Variants in NCAM2 observed in about 807,000 individuals in gnomAD.
NCAM2 encodes the protein neural cell adhesion molecule 2.
In NCAM2, 30 loss-of-function variants were observed where a neutral mutation model predicts 98.1. That is an observed-to-expected ratio of 0.31 (90% CI 0.23 to 0.41). The LOEUF is 0.41. Ranked by LOEUF, NCAM2 falls within the 10% of genes least tolerant of loss-of-function variation. The pLI is 1.00. For synonymous variants in NCAM2, 368 were observed against 342.4 expected, an observed-to-expected ratio of 1.07 and a Z score of -0.83; for missense variants, 867 against 1,005.8, an observed-to-expected ratio of 0.86 and a Z score of 1.87.
rs10686568 is a variant in NCAM2 at position 21,142,377 on chromosome 21, G to GTTTTTTTTTTTTTTTTTT, written c.56-138199_56-138182dup. Among the ~76,000 whole-genome samples, 4 of 107,190 alleles carry GTTTTTTTTTTTTTTTTTT rather than the reference G, an allele frequency of 3.7e-5. 1 individual carries two copies. Among genetic ancestry groups the GTTTTTTTTTTTTTTTTTT allele is most frequent in the Non-Finnish European group, 6.8e-5 (4 of 59,058 alleles). 70.3% of individuals were successfully genotyped at this position (107,190 alleles called of 152,430 possible). On this transcript the variant is annotated intron_variant, in intron 1 of 17. Coordinates refer to ENST00000400546, the MANE Select transcript of NCAM2 (RefSeq NM_004540.5). ...AAATTATTTGACCGTTTTTTTTTAT[G>GTTTTTTTTTTTTTTTTTT]TTTTTTTTTTTTTTTTTTTGAGATA... is the stretch of plus-strand genomic sequence containing the variant.
intron 12 of NCAM2, among the ~76,000 whole-genome samples, chr21:21,458,206 C>G (rs1027959808): frequency 6.6e-6 from 1 of 152,212 alleles, no homozygotes; most frequent in African/African-American, 2.4e-5. Flanking sequence ...TGTGGCCCCA[C>G]TGGGGCCTGG....
At chr21:21,026,609 G>C (rs966259694) in intron 1 of NCAM2, among the ~76,000 whole-genome samples, 9 of 148,706 alleles carry the variant, frequency 6.1e-5, no homozygotes. Flanking sequence ...TGGGCAATAC[G>C]AGTGAAACTC....
At chr21:21,233,765 CA>C (rs1417672456) in intron 1 of NCAM2, among the ~76,000 whole-genome samples, 5 of 151,572 alleles carry the variant, frequency 3.3e-5, no homozygotes, top group Non-Finnish European at 3.0e-5. Flanking sequence ...CGTGTTTCCC[CA>C]CGAAAGTAGT....
intron 1 of NCAM2, among the ~76,000 whole-genome samples, chr21:21,146,595 A>ATG (rs2067282257): frequency 1.4e-5 from 2 of 147,790 alleles, no homozygotes; most frequent in South Asian, 2.1e-4. Context: ...AAATACGTGT[A>ATG]TGTGTGTGTG....
intron 15 of NCAM2, among the ~76,000 whole-genome samples, chr21:21,477,807 C>T (rs1268056810): frequency 6.6e-6 from 1 of 152,126 alleles, no homozygotes; most frequent in Admixed American, 6.5e-5. Context: ...ATTTCTCTGC[C>T]AATCATGTGG....
At chr21:21,004,303 C>T (rs148649946) in intron 1 of NCAM2, among the ~76,000 whole-genome samples, 42 of 152,188 alleles carry the variant, frequency 2.8e-4, no homozygotes, top group East Asian at 1.2e-3. Context: ...ACCACTTGTG[C>T]GAAGTGCTTT....
Position 21,542,079 on chromosome 21 carries a change from A to C in NCAM2, c.*4122A>C, listed in dbSNP as rs1990253805. The C allele has an allele frequency of 6.6e-6, 1 of 151,936 alleles. No homozygotes were observed. The highest frequency in any genetic ancestry group is 1.5e-5 in the Non-Finnish European group (1 of 67,846). 9.4% of individuals were successfully genotyped at this position (151,936 alleles called of 1,614,324 possible). On this transcript the variant is annotated 3_prime_UTR_variant, in exon 18 of 18. Coordinates refer to ENST00000400546, the MANE Select transcript of NCAM2 (RefSeq NM_004540.5). ...AATGAAATACTTCATCTTAGAAGGT[A>C]AAATTTTCAAGAAAGTATTTTATTC...
At chr21:21,312,696 T>G (rs999763800) in intron 5 of NCAM2, among the ~76,000 whole-genome samples, 1 of 151,808 alleles carries the variant, frequency 6.6e-6, no homozygotes, top group African/African-American at 2.4e-5. Flanking sequence ...GTACCATATA[T>G]GACATGTTAA....
chr21:21,090,561 C>T (rs2065992100), intron 1 of NCAM2, among the ~76,000 whole-genome samples: 1 of 152,140 alleles, frequency 6.6e-6, no homozygotes. Flanking sequence ...AGCTATAATG[C>T]TGCCTGCCTT....
At chr21:21,099,902 AT>A (rs1218880216) in intron 1 of NCAM2, among the ~76,000 whole-genome samples, 3 of 151,746 alleles carry the variant, frequency 2.0e-5, no homozygotes, top group African/African-American at 7.3e-5. Flanking sequence ...GTTTATTGCC[AT>A]TTTTTACTTT....
chr21:21,274,236 A>G (rs1199399970), intron 1 of NCAM2, among the ~76,000 whole-genome samples: 3 of 152,246 alleles, frequency 2.0e-5, no homozygotes, highest in Non-Finnish European at 4.4e-5. Flanking sequence ...AGGGACATCT[A>G]TTTTCCTAAT....
intron 15 of NCAM2, among the ~76,000 whole-genome samples, chr21:21,479,598 A>AAAAAAAAAAAAAAAAAAG: frequency 7.6e-6 from 1 of 131,898 alleles, no homozygotes; most frequent in East Asian, 1.9e-4. Context: ...AAAAAAAAAA[A>AAAAAAAAAAAAAAAAAAG]AAAAAAAAAA....
chr21:21,426,185 G>C (rs2077210061), intron 11 of NCAM2, among the ~76,000 whole-genome samples: 1 of 152,064 alleles, frequency 6.6e-6, no homozygotes, highest in African/African-American at 2.4e-5. Context: ...ATAAAATGTG[G>C]AGGGAAACCA....
In NCAM2 at chr21:21,331,512, T is replaced by TATATATATATATATATATATATATATATA. The variant is rs1333445280; in HGVS notation, c.738-3993_738-3992insATATATATATATATATATATATATATATA. 7.8e-4 allele frequency among the ~76,000 whole-genome samples: 2 copies of TATATATATATATATATATATATATATATA among 2,576 alleles called. 1 individual carries two copies. The highest frequency in any genetic ancestry group is 2.5e-3 in the Non-Finnish European group (2 of 806). 1.7% of individuals were successfully genotyped at this position (2,576 alleles called of 152,430 possible). ...GTTAGTATATATACTCTATACTCTC[T>TATATATATATATATATATATATATATATA]CTCTCTATATATATATATATATACT... On this transcript the variant is annotated intron_variant, in intron 6 of 17. Coordinates refer to ENST00000400546, the MANE Select transcript of NCAM2 (RefSeq NM_004540.5).
At position 21,338,516 on chromosome 21, in the gene NCAM2, G is replaced by T. The variant is rs755302240; in HGVS notation, c.1026G>T (p.Thr342=). The change falls in exon 8 of 18, where the codon ACG becomes ACT. Residue 342 remains threonine, a synonymous_variant. Coordinates refer to ENST00000400546, the MANE Select transcript of NCAM2 (RefSeq NM_004540.5). The stretch of plus-strand genomic sequence containing the variant: ...GGAAAAGAGCTGTGGATGGCTTCAC[G>T]TTCACTGAAGGCGATAAGGTAACCA... ...ITWKRAVDGF[T]FTEGDKSLDG... is the part of the protein sequence containing the mutation. 1.2e-6 allele frequency: 2 copies of T among 1,610,386 alleles called. No individual in the cohort carries two copies. Among genetic ancestry groups the T allele is most frequent in the Non-Finnish European group, 8.5e-7 (1 of 1,178,520 alleles).
intron 1 of NCAM2, among the ~76,000 whole-genome samples, chr21:21,120,901 A>G (rs1191646491): frequency 6.6e-6 from 1 of 151,750 alleles, no homozygotes; most frequent in Non-Finnish European, 1.5e-5. Flanking sequence ...TATTTTTAGT[A>G]GAGATGGGGT....
rs565732434 is a variant in NCAM2 at position 21,153,251 on chromosome 21, C to T, written c.56-127327C>T. ...TTTCCTTTACATCTGGAAGACAATT[C>T]CATTATCATTTTGTTTGACTCTTTC... On this transcript the variant is annotated intron_variant, in intron 1 of 17. Transcript: ENST00000400546. Among the ~76,000 whole-genome samples the T allele has an allele frequency of 8.0e-5, 12 of 150,884 alleles. No homozygotes were observed. In the South Asian group the frequency reaches 2.5e-3, roughly 32 times the overall value.
intron 12 of NCAM2, among the ~76,000 whole-genome samples, chr21:21,445,944 TTGG>T (rs1458882957): frequency 6.6e-6 from 1 of 152,184 alleles, no homozygotes; most frequent in African/African-American, 2.4e-5. Flanking sequence ...TCTTTATATT[TTGG>T]TGGTTTTTGC....
chr21:21,049,321 T>G (rs2066495467), intron 1 of NCAM2, among the ~76,000 whole-genome samples: 1 of 152,176 alleles, frequency 6.6e-6, no homozygotes, highest in African/African-American at 2.4e-5. Flanking sequence ...GCTGATACAA[T>G]TAAACTATAC....
Sources: allele counts gnomAD v4.1 joint callset (sites outside exome capture counted in the v4.1 genomes callset), GRCh38; gene constraint gnomAD v4.1.1; transcripts MANE v1.5; gene names NCBI Gene and HGNC (gene_info 2026-07-23, HGNC 2026-07-21).